The following DCPH1 variants were observed in gnomAD, a reference collection of about 807,000 sequenced individuals.
DCPH1 encodes the protein damage-control phosphatase 1.
At chr6:151,459,715 T>C in the DCPH1 span, among the ~76,000 whole-genome samples, 1 of 152,130 alleles carries the variant, frequency 6.6e-6, no homozygotes, top group Non-Finnish European at 1.5e-5. Flanking sequence ...CACTTGAACC[T>C]GGGAGGCGGA....
At chr6:151,463,777 A>G in the DCPH1 span, among the ~76,000 whole-genome samples, 14 of 152,228 alleles carry the variant, frequency 9.2e-5, no homozygotes, top group East Asian at 2.7e-3. Context: ...TCAATTCAGT[A>G]AAGATTATTA....
At chr6:151,456,081 A>G in the DCPH1 span, among the ~76,000 whole-genome samples, 4 of 152,218 alleles carry the variant, frequency 2.6e-5, no homozygotes, top group East Asian at 1.9e-4. Context: ...ACAGAATCTC[A>G]AGGCAGAAGA....
chr6:151,458,629 T>A, the DCPH1 span: 2 of 1,439,880 alleles, frequency 1.4e-6, no homozygotes, highest in Non-Finnish European at 1.9e-6. Flanking sequence ...TTTTCTGAAA[T>A]TGTAAAAGGA....
the DCPH1 span, chr6:151,458,614 A>G: frequency 1.5e-5 from 23 of 1,496,808 alleles, no homozygotes; most frequent in Admixed American, 2.2e-5. Context: ...TAGATAATTT[A>G]TACTTTTTCT....
chr6:151,466,938 T>G, the DCPH1 span, among the ~76,000 whole-genome samples: 1 of 152,028 alleles, frequency 6.6e-6, no homozygotes, highest in Non-Finnish European at 1.5e-5. Context: ...AAAAATTTAT[T>G]CATTTATCTC....
At chr6:151,466,862 C>A in the DCPH1 span, among the ~76,000 whole-genome samples, 4 of 152,200 alleles carry the variant, frequency 2.6e-5, no homozygotes, top group Non-Finnish European at 5.9e-5. Context: ...GTATGAATTT[C>A]TTCAGGAAAC....
chr6:151,456,684 T>G, the DCPH1 span, among the ~76,000 whole-genome samples: 2 of 152,216 alleles, frequency 1.3e-5, no homozygotes, highest in African/African-American at 4.8e-5. Context: ...CAGGGTCTTG[T>G]TCTGTCTACT....
chr6:151,469,630 A>C, the DCPH1 span: 1 of 152,678 alleles, frequency 6.5e-6, no homozygotes, highest in Non-Finnish European at 1.5e-5. Context: ...CTTACATAAA[A>C]GTTACCTCAT....
At chr6:151,468,284 A>G in the DCPH1 span, 1 of 1,184,356 alleles carries the variant, frequency 8.4e-7, no homozygotes, top group Non-Finnish European at 1.2e-6. Context: ...CCGCTACATA[A>G]TGGAGTTTTG....
At chr6:151,452,666 C>T in the DCPH1 span, 8 of 1,393,566 alleles carry the variant, frequency 5.7e-6, no homozygotes, top group Non-Finnish European at 7.8e-6. Flanking sequence ...GCGGAGGGCG[C>T]CCGCTCCCCG....
the DCPH1 span, chr6:151,452,491 T>C: frequency 1.9e-6 from 3 of 1,597,288 alleles, no homozygotes; most frequent in Admixed American, 5.2e-5. Flanking sequence ...CGGTACCGCC[T>C]CTGTTTCTGC....
At chr6:151,464,442 T>G in the DCPH1 span, 1 of 1,591,316 alleles carries the variant, frequency 6.3e-7, no homozygotes, top group Non-Finnish European at 8.6e-7. Flanking sequence ...TTTGTTTTTC[T>G]CCTACTTTAG....
chr6:151,454,601 T>A, the DCPH1 span: 2 of 1,583,106 alleles, frequency 1.3e-6, no homozygotes, highest in Admixed American at 1.7e-5. Flanking sequence ...TTAACTAAGG[T>A]TATTGATACA....
At chr6:151,456,465 G>A in the DCPH1 span, among the ~76,000 whole-genome samples, 1 of 152,120 alleles carries the variant, frequency 6.6e-6, no homozygotes, top group Non-Finnish European at 1.5e-5. Flanking sequence ...GTTGTTCCTT[G>A]TTGCTAAAAT....
At chr6:151,456,417 T>G in the DCPH1 span, among the ~76,000 whole-genome samples, 2 of 152,206 alleles carry the variant, frequency 1.3e-5, no homozygotes, top group Non-Finnish European at 2.9e-5. Context: ...TATATTGTCT[T>G]GTTTAAAACT....
the DCPH1 span, among the ~76,000 whole-genome samples, chr6:151,459,955 A>G: frequency 6.6e-6 from 1 of 152,220 alleles, no homozygotes; most frequent in South Asian, 2.1e-4. Flanking sequence ...GTGACCTATC[A>G]AGTCAGCACT....
chr6:151,469,028 A>G, the DCPH1 span: 93 of 1,614,046 alleles, frequency 5.8e-5, no homozygotes, highest in Non-Finnish European at 7.7e-5. Flanking sequence ...CAGCCTGGGC[A>G]AGGGGAACAG....
chr6:151,469,071 T>C, the DCPH1 span: 16 of 1,613,508 alleles, frequency 9.9e-6, no homozygotes, highest in African/African-American at 1.3e-5. Flanking sequence ...GGTGGACCAC[T>C]GGAAAATATG....
the DCPH1 span, among the ~76,000 whole-genome samples, chr6:151,455,230 C>T: frequency 2.0e-5 from 3 of 152,176 alleles, no homozygotes; most frequent in Non-Finnish European, 2.9e-5. Flanking sequence ...GGTTGCCCCT[C>T]CACACCTGTG....
Sources: allele counts gnomAD v4.1 joint callset (sites outside exome capture counted in the v4.1 genomes callset), GRCh38; gene constraint gnomAD v4.1.1; transcripts MANE v1.5; gene names NCBI Gene and HGNC (gene_info 2026-07-23, HGNC 2026-07-21).